Variants in PLD1 observed in about 807,000 individuals in gnomAD.
PLD1 encodes choline phosphatase 1.
A neutral mutation model predicts 137.1 loss-of-function variants in PLD1; 112 were observed. The ratio of observed to expected loss-of-function variants is 0.82; its 90% CI spans 0.70 to 0.96. PLD1 has a LOEUF of 0.96. PLD1 is among the 40% of genes least tolerant of loss of function. The probability of loss-of-function intolerance (pLI) is 0.00; values close to 1 mark genes in which losing one functional copy is unlikely to be tolerated. For missense variants in PLD1, 1,321 were observed against 1,342.0 expected (o/e 0.98, Z 0.24); for synonymous variants, 431 against 454.7 (o/e 0.95, Z 0.66).
intron 1 of PLD1, among the ~76,000 whole-genome samples, chr3:171,749,084 A>C (rs1720473617): frequency 6.6e-6 from 1 of 152,126 alleles, no homozygotes; most frequent in Non-Finnish European, 1.5e-5. Context: ...AAAACACAGA[A>C]TTGTTAGGTA....
At chr3:171,721,806 C>G (rs1046388649) in intron 8 of PLD1, among the ~76,000 whole-genome samples, 16 of 151,322 alleles carry the variant, frequency 1.1e-4, no homozygotes, top group African/African-American at 3.9e-4. Flanking sequence ...AGAAAAAAAA[C>G]TTTTTTCCCT....
At chr3:171,702,216 G>A (rs1354384769) in intron 11 of PLD1, among the ~76,000 whole-genome samples, 1 of 152,024 alleles carries the variant, frequency 6.6e-6, no homozygotes, top group Non-Finnish European at 1.5e-5. Context: ...TTGAAAGGAT[G>A]GGCTCACATG....
chr3:171,764,942 GAAAGAAAGAAA>G (rs1307014856), intron 1 of PLD1, among the ~76,000 whole-genome samples: 324 of 15,350 alleles, frequency 0.021, 44 homozygotes, highest in South Asian at 0.046. Context: ...AGGAAAGAAA[GAAAGAAAGAAA>G]GAAAGAAAGA....
chr3:171,660,097 T>C (rs747509338), intron 20 of PLD1, among the ~76,000 whole-genome samples: 1 of 152,200 alleles, frequency 6.6e-6, no homozygotes, highest in Non-Finnish European at 1.5e-5. Context: ...AACACATCTG[T>C]AATTTATAAG....
chr3:171,767,262 G>T (rs528668355), intron 1 of PLD1, among the ~76,000 whole-genome samples: 2 of 152,142 alleles, frequency 1.3e-5, no homozygotes, highest in Non-Finnish European at 2.9e-5. Context: ...GGCCACTACT[G>T]GTCTCATTTA....
chr3:171,792,227 G>C (rs935967884), intron 1 of PLD1: 8 of 229,712 alleles, frequency 3.5e-5, no homozygotes, highest in Non-Finnish European at 6.9e-5. Flanking sequence ...ACTGAACATA[G>C]TCATGCTTTT....
At chr3:171,679,275 T>C (rs971856846) in intron 16 of PLD1, among the ~76,000 whole-genome samples, 2 of 152,234 alleles carry the variant, frequency 1.3e-5, no homozygotes, top group Admixed American at 1.3e-4. Context: ...TTTCAAAGGC[T>C]ATTAAAGTTT....
intron 1 of PLD1, among the ~76,000 whole-genome samples, chr3:171,740,846 T>A (rs940861895): frequency 1.3e-5 from 2 of 152,210 alleles, no homozygotes; most frequent in African/African-American, 4.8e-5. Flanking sequence ...ACCTGGTAGG[T>A]ATGATTATTC....
chr3:171,658,370 T>A (rs1737387984), intron 21 of PLD1, among the ~76,000 whole-genome samples: 1 of 152,220 alleles, frequency 6.6e-6, no homozygotes, highest in African/African-American at 2.4e-5. Context: ...ATAGCAGCAT[T>A]ATTTATAATA....
chr3:171,686,871 C>T lies in PLD1; in HGVS notation c.1754-73G>A. The T allele has an allele frequency of 4.0e-6, 3 of 748,952 alleles. No homozygotes were observed. The Admixed American group carries it at 7.1e-5, about 18-fold the overall frequency. The allele number at this position is 748,952 out of a possible 1,614,324, so 46.4% of individuals were successfully genotyped here. On this transcript the variant is annotated intron_variant, in intron 15 of 26. Coordinates refer to ENST00000351298, the MANE Select transcript of PLD1 (RefSeq NM_002662.5). ...TTCTAAACTGGAAAGCAAAGCTGAT[C>T]ATTTTTAAAACCAGGCAGGGCTATA...
chr3:171,689,758 TCCCAAAG>T, intron 13 of PLD1, among the ~76,000 whole-genome samples: 1 of 152,246 alleles, frequency 6.6e-6, no homozygotes, highest in Non-Finnish European at 1.5e-5. Context: ...CACTTCAGCT[TCCCAAAG>T]CGCTGGGACT....
At position 171,644,987 on chromosome 3, in the gene PLD1, T is replaced by C; in HGVS notation, c.2466A>G (p.Pro822=). The change falls in exon 22 of 27, where the codon CCA becomes CCG. Residue 822 remains proline, a synonymous_variant. Transcript: ENST00000351298. ...NQKYRVYVVI[P]LLPGFEGDIS... is the part of the protein sequence containing the mutation. ...TGTCTCCTTCGAACCCTGGCAGAAG[T>C]GGTATCACGACATATACCCGGTATT... 6.2e-7 allele frequency: 1 copy of C among 1,613,874 alleles called. No homozygotes were observed. The highest frequency in any genetic ancestry group is 8.5e-7 in the Non-Finnish European group (1 of 1,179,758).
At chr3:171,642,662 C>T (rs991702902) in intron 23 of PLD1, among the ~76,000 whole-genome samples, 178 bp downstream of exon 23, 1 of 151,988 alleles carries the variant, frequency 6.6e-6, no homozygotes, top group African/African-American at 2.4e-5. Context: ...TTGGTGTCTT[C>T]ATTTGAATAA....
chr3:171,772,304 A>G (rs996112048), intron 1 of PLD1, among the ~76,000 whole-genome samples: 1 of 152,236 alleles, frequency 6.6e-6, no homozygotes, highest in African/African-American at 2.4e-5. Flanking sequence ...AACTTTAATT[A>G]TTGTTTCTCC....
rs557028420 is a variant in PLD1, at chr3:171,737,337, A to G, written c.288+195T>C. On this transcript the variant is annotated intron_variant, in intron 3 of 26. Transcript: ENST00000351298. ...TTGGCTCAAATGAAGAAAGAGGAAT[A>G]TAAGAATGAAGATTAAATGGGAAGG... Among the ~76,000 whole-genome samples, 14 of 152,360 alleles carry G rather than the reference A, an allele frequency of 9.2e-5. No individual in the cohort carries two copies. In the East Asian group the frequency reaches 2.3e-3, roughly 25 times the overall value.
chr3:171,801,279 G>A (rs1239966955), intron 1 of PLD1, among the ~76,000 whole-genome samples: 1 of 152,242 alleles, frequency 6.6e-6, no homozygotes, highest in East Asian at 1.9e-4. Flanking sequence ...GCAAATACAG[G>A]ATGAAAGCTT....
At chr3:171,686,258 T>C (rs539275720) in intron 16 of PLD1, among the ~76,000 whole-genome samples, 1 of 152,334 alleles carries the variant, frequency 6.6e-6, no homozygotes, top group South Asian at 2.1e-4. Context: ...TTGAAAGCAG[T>C]TGGTGCTTTC....
At position 171,639,848 on chromosome 3, in the gene PLD1, C is replaced by CTCTATATATA. The variant is rs3050415; in HGVS notation, c.2593+2991_2593+2992insTATATATAGA. Among the ~76,000 whole-genome samples, 284 of 110,162 alleles carry CTCTATATATA rather than the reference C, an allele frequency of 2.6e-3. 3 individuals carry two copies. The highest frequency in any genetic ancestry group is 9.0e-3 in the African/African-American group (228 of 25,470). 72.3% of individuals were successfully genotyped at this position (110,162 alleles called of 152,430 possible). On this transcript the variant is annotated intron_variant, in intron 23 of 26. Coordinates refer to ENST00000351298, the MANE Select transcript of PLD1 (RefSeq NM_002662.5). ...TCTCTCTCTCTCTCTCTCTCTCTCT[C>CTCTATATATA]TATATATATATATATATCTCCTATT...
rs150210391 is a variant in PLD1 at position 171,708,838 on chromosome 3, C to G, written c.1062G>C (p.Trp354Cys). 1.9e-5 allele frequency: 29 copies of G among 1,538,946 alleles called. No individual in the cohort carries two copies. The highest frequency in any genetic ancestry group is 2.7e-5 in the African/African-American group (2 of 73,396). Residue 354 changes from tryptophan (W) to cysteine (C), a missense_variant and splice_region_variant, in exon 11 of 27, where the codon TGG (tryptophan) becomes TGC (cysteine). Coordinates refer to ENST00000351298, the MANE Select transcript of PLD1 (RefSeq NM_002662.5). The stretch of plus-strand genomic sequence containing the variant: ...CAAAATATCCTTTGGCATTAACATA[C>G]CTGAAAGACAAGTTTATTGTTCCTT... ...AAIQENALAKWYVNAKGYFED... is the reference protein window; with the variant it reads ...AAIQENALAKCYVNAKGYFED...
Sources: allele counts gnomAD v4.1 joint callset (sites outside exome capture counted in the v4.1 genomes callset), GRCh38; gene constraint gnomAD v4.1.1; transcripts MANE v1.5; gene names NCBI Gene and HGNC (gene_info 2026-07-23, HGNC 2026-07-21).